Variants in IQCM observed in about 807,000 individuals in gnomAD.
IQCM encodes the protein IQ motif containing M.
IQCM carries 45 observed loss-of-function variants against 57.6 expected under a neutral mutation model. The observed-to-expected ratio is 0.78, with a 90% confidence interval of 0.62 to 1.00. IQCM has a LOEUF of 1.00. Among genes scored for constraint, IQCM ranks in the 50% least tolerant of loss-of-function variants. IQCM has a pLI of 0.00. For synonymous variants in IQCM, 148 were observed against 158.9 expected (o/e 0.93, Z 0.51); for missense variants, 468 against 511.6 (o/e 0.91, Z 0.82).
At chr4:149,726,722 T>C (rs184194310) in intron 5 of IQCM, among the ~76,000 whole-genome samples, 2 of 152,242 alleles carry the variant, frequency 1.3e-5, no homozygotes, top group East Asian at 1.9e-4. Flanking sequence ...AAATATACAC[T>C]GGATTTTGAA....
chr4:149,562,553 A>G (rs1027494080), intron 10 of IQCM, among the ~76,000 whole-genome samples: 2 of 152,212 alleles, frequency 1.3e-5, no homozygotes, highest in South Asian at 2.1e-4. Flanking sequence ...GGATCTGTCA[A>G]TGTCTTAGAC....
chr4:149,706,937 A>G (rs1371429404), intron 5 of IQCM, among the ~76,000 whole-genome samples: 1 of 152,006 alleles, frequency 6.6e-6, no homozygotes, highest in African/African-American at 2.4e-5. Context: ...CATTGTTTTG[A>G]GTCTATTTCC....
In IQCM at chr4:149,733,358, T is replaced by G; in HGVS notation, c.271A>C (p.Lys91Gln). The G allele has an allele frequency of 8.1e-7, 1 of 1,231,848 alleles. No individual in the cohort carries two copies. The highest frequency in any genetic ancestry group is 1.0e-6 in the Non-Finnish European group (1 of 987,780). The allele number at this position is 1,231,848 out of a possible 1,614,324, so 76.3% of individuals were successfully genotyped here. A position where few individuals can be genotyped will look rare whatever the true frequency, so the allele number is the denominator to read the frequency against. The change falls in exon 5 of 14, where the codon AAG becomes CAG. Residue 91 changes from lysine to glutamine, a missense_variant. Transcript: ENST00000636793. Reference protein sequence around the residue: ...RAALRRICFPKELSKSEHLQE... With the variant: ...RAALRRICFPQELSKSEHLQE... ...AGATGCTCGCTTTTGGAAAGCTCCT[T>G]GGGAAAGCAAATCCTTCTGAGTGCG... is the stretch of plus-strand genomic sequence containing the variant.
At chr4:149,395,787 A>G (rs1012368928) in intron 13 of IQCM, among the ~76,000 whole-genome samples, 1 of 152,066 alleles carries the variant, frequency 6.6e-6, no homozygotes, top group Non-Finnish European at 1.5e-5. Flanking sequence ...CCTATTCTCT[A>G]TTCCCAGAAG....
At chr4:149,487,678 A>G (rs922475154) in intron 12 of IQCM, among the ~76,000 whole-genome samples, 1 of 152,126 alleles carries the variant, frequency 6.6e-6, no homozygotes, top group Non-Finnish European at 1.5e-5. Flanking sequence ...GGTGCAGGCT[A>G]TGCACTGCAT....
intron 13 of IQCM, among the ~76,000 whole-genome samples, chr4:149,389,436 T>C (rs910878200): frequency 1.3e-5 from 2 of 151,756 alleles, no homozygotes; most frequent in African/African-American, 4.8e-5. Flanking sequence ...TTATTCACAA[T>C]AGCAAAGACT....
At chr4:149,646,166 T>C (rs1410959489) in intron 7 of IQCM, among the ~76,000 whole-genome samples, 1 of 152,184 alleles carries the variant, frequency 6.6e-6, no homozygotes. Context: ...AGAGTTCTCT[T>C]AAATCTAATA....
intron 5 of IQCM, among the ~76,000 whole-genome samples, chr4:149,721,154 A>C (rs886295198): frequency 1.3e-5 from 2 of 152,198 alleles, no homozygotes; most frequent in East Asian, 1.9e-4. Flanking sequence ...ATACAATTTA[A>C]AAAACAATAC....
chr4:149,526,997 T>TGTACAGACTGTACTTGCTGTACAGA (rs1189689480), intron 12 of IQCM, among the ~76,000 whole-genome samples: 1 of 152,142 alleles, frequency 6.6e-6, no homozygotes, highest in African/African-American at 2.4e-5. Context: ...CATTTACAGA[T>TGTACAGACTGTACTTGCTGTACAGA]CAGTACAGCA....
At chr4:149,634,485 T>G (rs1757558609) in intron 7 of IQCM, among the ~76,000 whole-genome samples, 1 of 152,222 alleles carries the variant, frequency 6.6e-6, no homozygotes, top group South Asian at 2.1e-4. Flanking sequence ...TTATAAGGCA[T>G]GGATGACATC....
chr4:149,635,683 A>C (rs1757656801), intron 7 of IQCM, among the ~76,000 whole-genome samples: 1 of 152,174 alleles, frequency 6.6e-6, no homozygotes, highest in African/African-American at 2.4e-5. Flanking sequence ...TCTTAGCCTT[A>C]TGTCCACTGA....
chr4:149,547,069 A>T (rs1435693411), intron 12 of IQCM, among the ~76,000 whole-genome samples: 3 of 152,176 alleles, frequency 2.0e-5, no homozygotes, highest in Admixed American at 6.5e-5. Context: ...ACCATTTATT[A>T]AATAGGGAAT....
chr4:149,706,649 T>C (rs1764181006), intron 5 of IQCM, among the ~76,000 whole-genome samples: 2 of 151,970 alleles, frequency 1.3e-5, no homozygotes, highest in African/African-American at 4.8e-5. Context: ...TGAGAACATA[T>C]AATGTGAAGG....
At position 149,605,612 on chromosome 4, in the gene IQCM, A is replaced by G. The variant is rs761300632; in HGVS notation, c.681+15517T>C. On this transcript the variant is annotated intron_variant, in intron 8 of 13. Coordinates refer to ENST00000636793, the MANE Select transcript of IQCM (RefSeq NM_001363507.2). ...AACATTAAGTAAAATAAAATAAATG[A>G]TGGTTGTAAAAATACACTTTAGGCC... Among the ~76,000 whole-genome samples the G allele has an allele frequency of 4.1e-4, 62 of 152,222 alleles. 1 individual carries two copies. The highest frequency in any genetic ancestry group is 1.4e-3 in the Admixed American group (22 of 15,282).
chr4:149,672,341 G>A (rs1761369913), intron 7 of IQCM, among the ~76,000 whole-genome samples: 1 of 152,148 alleles, frequency 6.6e-6, no homozygotes, highest in Non-Finnish European at 1.5e-5. Flanking sequence ...GCTAAAGGAG[G>A]ATGTTCGAAC....
intron 2 of IQCM, among the ~76,000 whole-genome samples, chr4:149,745,799 C>G (rs1382431228): frequency 2.6e-5 from 4 of 152,004 alleles, no homozygotes; most frequent in African/African-American, 9.7e-5. Context: ...TGGTCAAACC[C>G]CTTCTCAACA....
chr4:149,359,230 T>A (rs1394598977), intron 13 of IQCM, among the ~76,000 whole-genome samples: 1 of 152,144 alleles, frequency 6.6e-6, no homozygotes, highest in Non-Finnish European at 1.5e-5. Flanking sequence ...TTAAAATATG[T>A]CATAAAAGCA....
intron 13 of IQCM, among the ~76,000 whole-genome samples, chr4:149,368,302 C>A (rs1427535335): frequency 1.3e-5 from 2 of 151,672 alleles, no homozygotes; most frequent in Admixed American, 1.3e-4. Flanking sequence ...ATATAATCAA[C>A]CTTCTTAGAA....
intron 2 of IQCM, among the ~76,000 whole-genome samples, chr4:149,774,544 G>C (rs1234308094): frequency 3.3e-5 from 5 of 151,992 alleles, no homozygotes; most frequent in Non-Finnish European, 7.4e-5. Flanking sequence ...AGCTTTTTCC[G>C]CAGGCCACGT....
Sources: allele counts gnomAD v4.1 joint callset (sites outside exome capture counted in the v4.1 genomes callset), GRCh38; gene constraint gnomAD v4.1.1; transcripts MANE v1.5; gene names NCBI Gene and HGNC (gene_info 2026-07-23, HGNC 2026-07-21).